Variants in DRC11 observed in about 807,000 individuals in gnomAD.
DRC11 encodes dynein regulatory complex subunit 11.
At chr2:236,336,600 T>C in the DRC11 span, among the ~76,000 whole-genome samples, 13 of 152,010 alleles carry the variant, frequency 8.6e-5, no homozygotes, top group Middle Eastern at 0.037. This position sits in a 1 kb window ranked among gnomAD's most constrained non-coding sequence, Gnocchi z 7.3. Context: ...CACACCACCA[T>C]CAACACAGTC....
chr2:236,472,360 A>C, the DRC11 span, among the ~76,000 whole-genome samples: 1 of 152,258 alleles, frequency 6.6e-6, no homozygotes, highest in Middle Eastern at 3.4e-3. This position sits in a 1 kb window ranked among gnomAD's most constrained non-coding sequence, Gnocchi z 4.6. Flanking sequence ...TGAGATTTAA[A>C]CCCTATGGGC....
At chr2:236,491,989 G>A in the DRC11 span, among the ~76,000 whole-genome samples, 1 of 152,142 alleles carries the variant, frequency 6.6e-6, no homozygotes, top group Non-Finnish European at 1.5e-5. Context: ...CTGTTATCGG[G>A]GGAATAGCTT....
chr2:236,413,856 C>T, the DRC11 span, among the ~76,000 whole-genome samples: 1 of 152,194 alleles, frequency 6.6e-6, no homozygotes. The surrounding 1 kb of genome is among the most constrained non-coding windows in gnomAD (Gnocchi z 4.0). Flanking sequence ...AGGATGATTG[C>T]ATAGTGCTCT....
At chr2:236,362,335 C>G in the DRC11 span, among the ~76,000 whole-genome samples, 3 of 152,158 alleles carry the variant, frequency 2.0e-5, no homozygotes, top group Admixed American at 2.0e-4. The surrounding 1 kb of genome is among the most constrained non-coding windows in gnomAD (Gnocchi z 5.7). Flanking sequence ...TCTCTGCCAC[C>G]CTTAAGACAG....
the DRC11 span, among the ~76,000 whole-genome samples, chr2:236,436,170 T>C: frequency 6.6e-6 from 1 of 152,232 alleles, no homozygotes; most frequent in South Asian, 2.1e-4. Flanking sequence ...AAATTTTTCT[T>C]GTGTTAAATT....
chr2:236,392,166 C>G, the DRC11 span: 1 of 1,485,510 alleles, frequency 6.7e-7, no homozygotes, highest in Non-Finnish European at 9.4e-7. This position sits in a 1 kb window ranked among gnomAD's most constrained non-coding sequence, Gnocchi z 5.1. Flanking sequence ...TGGGGTAGGT[C>G]ATTAGTAGGA....
At chr2:236,362,438 C>T in the DRC11 span, among the ~76,000 whole-genome samples, 1 of 152,176 alleles carries the variant, frequency 6.6e-6, no homozygotes, top group African/African-American at 2.4e-5. This position sits in a 1 kb window ranked among gnomAD's most constrained non-coding sequence, Gnocchi z 5.7. Context: ...TCCACTTCCA[C>T]TTAATGAATA....
the DRC11 span, among the ~76,000 whole-genome samples, chr2:236,435,854 CA>C: frequency 6.6e-6 from 1 of 151,972 alleles, no homozygotes; most frequent in Non-Finnish European, 1.5e-5. Flanking sequence ...TGTCCTTTTA[CA>C]AAAAAAGGAT....
chr2:236,377,304 A>T, the DRC11 span: 1 of 602,486 alleles, frequency 1.7e-6, no homozygotes, highest in Non-Finnish European at 2.9e-6. This position sits in a 1 kb window ranked among gnomAD's most constrained non-coding sequence, Gnocchi z 4.9. Context: ...ACATTTGTTC[A>T]TATGCAAATA....
the DRC11 span, among the ~76,000 whole-genome samples, chr2:236,329,583 G>T: frequency 6.7e-6 from 1 of 148,674 alleles, no homozygotes; most frequent in African/African-American, 2.5e-5. Flanking sequence ...AATTTCTCAG[G>T]GTTTGCCTCA....
chr2:236,367,526 G>C, the DRC11 span: 1 of 151,634 alleles, frequency 6.6e-6, no homozygotes, highest in African/African-American at 2.4e-5. This position sits in a 1 kb window ranked among gnomAD's most constrained non-coding sequence, Gnocchi z 4.8. Flanking sequence ...TGTCAGAACT[G>C]AAACTCCTGG....
the DRC11 span, chr2:236,391,414 C>T: frequency 7.1e-3 from 1,086 of 153,642 alleles, 13 homozygotes; most frequent in Non-Finnish European, 9.5e-3. The surrounding 1 kb of genome is among the most constrained non-coding windows in gnomAD (Gnocchi z 4.5). Flanking sequence ...GAGAACTCTC[C>T]GCCCTCTACC....
chr2:236,446,455 G>C, the DRC11 span, among the ~76,000 whole-genome samples: 19 of 152,228 alleles, frequency 1.2e-4, no homozygotes, highest in Non-Finnish European at 2.9e-5. The surrounding 1 kb of genome is among the most constrained non-coding windows in gnomAD (Gnocchi z 6.2). Flanking sequence ...CAGGGCGTCA[G>C]GAAGACGGTT....
chr2:236,434,950 C>T, the DRC11 span, among the ~76,000 whole-genome samples: 1 of 152,256 alleles, frequency 6.6e-6, no homozygotes, highest in East Asian at 1.9e-4. The surrounding 1 kb of genome is among the most constrained non-coding windows in gnomAD (Gnocchi z 5.5). Context: ...CAAGGCAGGG[C>T]TTGACAAACT....
chr2:236,491,872 C>A, the DRC11 span, among the ~76,000 whole-genome samples: 2 of 152,168 alleles, frequency 1.3e-5, no homozygotes. Flanking sequence ...ACGTGTCCCA[C>A]AAACTTCATG....
chr2:236,408,437 GC>G, the DRC11 span: 33 of 740,114 alleles, frequency 4.5e-5, no homozygotes, highest in Admixed American at 3.1e-4. The surrounding 1 kb of genome is among the most constrained non-coding windows in gnomAD (Gnocchi z 5.5). Flanking sequence ...ATCTCATCCT[GC>G]CCAAACACTT....
chr2:236,311,697 CGTGTGTGTGTGTGTGTGT>C, the DRC11 span, among the ~76,000 whole-genome samples: 3 of 138,704 alleles, frequency 2.2e-5, no homozygotes, highest in South Asian at 2.5e-4. This position sits in a 1 kb window ranked among gnomAD's most constrained non-coding sequence, Gnocchi z 6.9. Flanking sequence ...GGATGGGGTG[CGTGTGTGTGTGTGTGTGT>C]GTGTGTGTGT....
At chr2:236,459,546 CGTATACAT>C in the DRC11 span, among the ~76,000 whole-genome samples, 1 of 118,154 alleles carries the variant, frequency 8.5e-6, no homozygotes, top group Non-Finnish European at 1.7e-5. Context: ...TATACGTATA[CGTATACAT>C]GTATACGTAT....
the DRC11 span, chr2:236,419,096 T>A: frequency 6.7e-7 from 1 of 1,492,366 alleles, no homozygotes; most frequent in Admixed American, 2.6e-5. This position sits in a 1 kb window ranked among gnomAD's most constrained non-coding sequence, Gnocchi z 4.8. Flanking sequence ...AGCAAAGAAG[T>A]CAATAAAAAG....
Sources: gnomAD v4.1 joint callset for allele counts (sites outside exome capture counted in the v4.1 genomes callset) on GRCh38, gnomAD v4.1.1 for gene constraint, Gnocchi (gnomAD v3.1) non-coding constraint, MANE v1.5 for transcripts, NCBI Gene and HGNC (gene_info 2026-07-23, HGNC 2026-07-21) for gene names.